CPEB2: variants seen among roughly 807,000 people sequenced by gnomAD.
The protein encoded by CPEB2 is cytoplasmic polyadenylation element binding protein 2, also known as cytoplasmic polyadenylation element-binding protein 2.
In CPEB2, 56 loss-of-function variants were observed where a neutral mutation model predicts 93.6. The ratio of observed to expected loss-of-function variants is 0.60; its 90% CI spans 0.48 to 0.75. CPEB2 has a LOEUF of 0.75. Among genes scored for constraint, CPEB2 ranks in the 30% least tolerant of loss-of-function variants. The pLI, the probability that CPEB2 is intolerant of heterozygous loss-of-function variation, is 0.00. For missense variants in CPEB2, 1,579 were observed against 1,395.1 expected, an observed-to-expected ratio of 1.13 and a Z score of -2.10; for synonymous variants, 764 against 586.3, an observed-to-expected ratio of 1.30 and a Z score of -4.38.
Position 15,003,110 on chromosome 4 carries a change from ACCC to A in CPEB2, c.439_441del (p.Pro147del). On this transcript the variant is annotated inframe_deletion, in exon 1 of 12. Coordinates refer to ENST00000538197, the MANE Select transcript of CPEB2 (RefSeq NM_001177382.2). The stretch of plus-strand genomic sequence containing the variant: ...CAGGACTTCAAACCGAGTCTGCACC[ACCC>A]CTCCTCCTCCTCCGCCTCCTCCTGC... 6.6e-7 allele frequency: 1 copy of A among 1,524,674 alleles called. No homozygotes were observed. The allele number at this position is 1,524,674 out of a possible 1,614,324, so 94.4% of individuals were successfully genotyped here. A position where few individuals can be genotyped will look rare whatever the true frequency, so the allele number is the denominator to read the frequency against.
chr4:15,061,333 A>T (rs1729171423), intron 10 of CPEB2, among the ~76,000 whole-genome samples: 1 of 152,136 alleles, frequency 6.6e-6, no homozygotes, highest in Non-Finnish European at 1.5e-5. Context: ...GTTTAGGATG[A>T]ACTATCAAGG....
intron 8 of CPEB2, 84 bp downstream of exon 8, chr4:15,054,301 G>C: frequency 2.2e-6 from 2 of 894,434 alleles, no homozygotes; most frequent in Non-Finnish European, 3.6e-6. Flanking sequence ...AGCCAGTTAG[G>C]AATCATAAGA....
At chr4:15,040,982 T>G (rs548811249) in intron 6 of CPEB2, among the ~76,000 whole-genome samples, 1 of 152,264 alleles carries the variant, frequency 6.6e-6, no homozygotes, top group East Asian at 1.9e-4. Flanking sequence ...TTTCTCTGTT[T>G]TCTAAGAATA....
In CPEB2 at chr4:15,002,851, G is replaced by C; in HGVS notation, c.178G>C (p.Glu60Gln). The stretch of plus-strand genomic sequence containing the variant: ...ACCGTTGCCTGTCACCGGCTTCTTA[G>C]AGGCCGCCTCCCCCTTCTCCGTCCC... ...PPPLPVTGFLEAASPFSVPLG... is the reference protein window; with the variant it reads ...PPPLPVTGFLQAASPFSVPLG... The change falls in exon 1 of 12, where the codon GAG (glutamate) becomes CAG (glutamine). Residue 60 changes from glutamate (E) to glutamine (Q), a missense_variant. Glu to Gln is a conservative substitution (Grantham distance 29, BLOSUM62 2). Transcript: ENST00000538197. 6.5e-7 allele frequency: 1 copy of C among 1,534,828 alleles called. No individual in the cohort carries two copies. Among genetic ancestry groups the C allele is most frequent in the Middle Eastern group, 1.7e-4 (1 of 5,772 alleles).
intron 6 of CPEB2, among the ~76,000 whole-genome samples, chr4:15,050,101 G>T (rs559838048): frequency 5.9e-5 from 9 of 152,174 alleles, no homozygotes; most frequent in African/African-American, 2.2e-4. Flanking sequence ...ACATAAAACC[G>T]ATACTGGTCC....
At chr4:15,052,987 A>G (rs1728371365) in intron 7 of CPEB2, among the ~76,000 whole-genome samples, 1 of 151,648 alleles carries the variant, frequency 6.6e-6, no homozygotes, top group African/African-American at 2.4e-5. Context: ...AATGCTTGGT[A>G]ATCAAAAGTT....
At position 15,033,198 on chromosome 4, in the gene CPEB2, G is replaced by T; in HGVS notation, c.2163G>T (p.Leu721=). ...LSYPHPGTDN[L]LMLNARSYGR... ...ATCCACATCCAGGAACTGACAATCT[G>T]TTGATGTTAAATGGTAAGTTTTATA... Residue 721 remains leucine, a synonymous_variant, in exon 5 of 12, where the codon CTG becomes CTT. Coordinates refer to ENST00000538197, the MANE Select transcript of CPEB2 (RefSeq NM_001177382.2). 6.3e-7 allele frequency: 1 copy of T among 1,594,096 alleles called. No homozygotes were observed. The highest frequency in any genetic ancestry group is 1.1e-5 in the South Asian group (1 of 90,204).
chr4:15,003,084 C>T lies in CPEB2; in HGVS notation c.411C>T (p.Ser137=). The change falls in exon 1 of 12, where the codon TCC becomes TCT. Residue 137 remains serine, a synonymous_variant. Transcript: ENST00000538197. Reference sequence around the variant, plus strand: ...CGGGTGTGACCCACCTCCTCCCCTCCCAGGACTTCAAACCGAGTCTGCACC... The same window carrying T: ...CGGGTGTGACCCACCTCCTCCCCTCTCAGGACTTCAAACCGAGTCTGCACC... ...TIAGVTHLLP[S]QDFKPSLHHP... 6.5e-7 allele frequency: 1 copy of T among 1,532,912 alleles called. No individual in the cohort carries two copies. The highest frequency in any genetic ancestry group is 8.7e-7 in the Non-Finnish European group (1 of 1,145,848). The allele number at this position is 1,532,912 out of a possible 1,614,324, so 95.0% of individuals were successfully genotyped here.
At chr4:15,038,522 T>A (rs943542029) in intron 5 of CPEB2, among the ~76,000 whole-genome samples, 32 of 152,136 alleles carry the variant, frequency 2.1e-4, no homozygotes, top group African/African-American at 7.5e-4. Flanking sequence ...TCCTGTGAAG[T>A]GTTTTGGGGA....
In CPEB2 at chr4:15,002,960, A is replaced by G. The variant is rs1722161905; in HGVS notation, c.287A>G (p.Glu96Gly). The G allele has an allele frequency of 6.6e-7, 1 of 1,511,916 alleles. No individual in the cohort carries two copies. Among genetic ancestry groups the G allele is most frequent in the Non-Finnish European group, 8.8e-7 (1 of 1,140,382 alleles). 93.7% of individuals were successfully genotyped at this position (1,511,916 alleles called of 1,614,324 possible). Residue 96 changes from glutamate to glycine, a missense_variant, in exon 1 of 12, where the codon GAG becomes GGG. Glu to Gly is a moderately conservative substitution (Grantham distance 98). Around this residue, in one of 2 missense-constraint regions of CPEB2, gnomAD observed 1,411 missense variants for 1,056.0 expected, o/e 1.34. Transcript: ENST00000538197. ...FLAHQQTMQD[E>G]LLLGLTQQPA... ...GCGCATCAGCAGACCATGCAGGATG[A>G]GCTGCTTCTGGGGCTGACACAGCAG...
At chr4:15,029,148 C>T (rs1560231878) in intron 4 of CPEB2, among the ~76,000 whole-genome samples, 1 of 152,084 alleles carries the variant, frequency 6.6e-6, no homozygotes, top group Non-Finnish European at 1.5e-5. Flanking sequence ...AGTGCCTAGA[C>T]ATCACATTTG....
chr4:15,040,222 G>A (rs1033241922), intron 5 of CPEB2, among the ~76,000 whole-genome samples: 1 of 152,098 alleles, frequency 6.6e-6, no homozygotes, highest in Non-Finnish European at 1.5e-5. Context: ...ATAATGAAAT[G>A]TGTGTTTCTT....
rs1224522396 is a variant in CPEB2, at chr4:15,002,896, A to G, written c.223A>G (p.Ser75Gly). 3 of 1,477,750 alleles carry G rather than the reference A, an allele frequency of 2.0e-6. No homozygotes were observed. The East Asian group carries it at 7.9e-5, about 39-fold the overall frequency. The allele number at this position is 1,477,750 out of a possible 1,614,324, so 91.5% of individuals were successfully genotyped here. A position where few individuals can be genotyped will look rare whatever the true frequency, so the allele number is the denominator to read the frequency against. Residue 75 changes from serine (S) to glycine (G), a missense_variant, in exon 1 of 12, where the codon AGC becomes GGC. Ser to Gly is a moderately conservative substitution (Grantham distance 56, BLOSUM62 0). Coordinates refer to ENST00000538197, the MANE Select transcript of CPEB2 (RefSeq NM_001177382.2). ...FSVPLGGGAG[S>G]PAAAASSSSP... ...CGTCCCCCTCGGCGGCGGCGCGGGC[A>G]GCCCGGCCGCCGCCGCTTCCTCTTC...
At chr4:15,007,916 C>T (rs1038805473) in intron 2 of CPEB2, among the ~76,000 whole-genome samples, 4 of 152,070 alleles carry the variant, frequency 2.6e-5, no homozygotes, top group Non-Finnish European at 4.4e-5. Flanking sequence ...ATTTGTTTCT[C>T]CTTTAATATA....
intron 6 of CPEB2, among the ~76,000 whole-genome samples, chr4:15,048,729 C>T (rs1335685084): frequency 3.3e-5 from 5 of 152,012 alleles, no homozygotes; most frequent in Non-Finnish European, 7.4e-5. Context: ...GCTTTTGCTG[C>T]ATTCCAGCAA....
chr4:15,029,008 C>T (rs1181389275), intron 4 of CPEB2, among the ~76,000 whole-genome samples: 1 of 151,922 alleles, frequency 6.6e-6, no homozygotes, highest in Non-Finnish European at 1.5e-5. Flanking sequence ...GGGCTAGTTC[C>T]AGGACCACCC....
In CPEB2 at chr4:15,016,517, TCTC is replaced by T. The variant is rs760933487; in HGVS notation, c.2035-666_2035-664del. 2.2e-4 allele frequency among the ~76,000 whole-genome samples: 33 copies of T among 152,050 alleles called. 1 individual carries two copies. In the East Asian group the frequency reaches 3.5e-3, roughly 16 times the overall value. ...TGAGATTACTGTGCTTTTACTCTTC[TCTC>T]CTCCACCTGCCTATTTTGCAGGGGA... On this transcript the variant is annotated intron_variant, in intron 3 of 11. Transcript: ENST00000538197.
In CPEB2 at chr4:15,052,298, T is replaced by G. The variant is rs145344995; in HGVS notation, c.2201-116T>G. 863 of 647,946 alleles carry G rather than the reference T, an allele frequency of 1.3e-3. 7 individuals are homozygous for G. In the African/African-American group the frequency reaches 0.014, roughly 10 times the overall value. The allele number at this position is 647,946 out of a possible 1,614,324, so 40.1% of individuals were successfully genotyped here. A position where few individuals can be genotyped will look rare whatever the true frequency, so the allele number is the denominator to read the frequency against. On this transcript the variant is annotated intron_variant, in intron 6 of 11. Transcript: ENST00000538197. ...CTATTTAAATTTCTCTTAATTTTTA[T>G]GTTCACCTGCATCACCTTCATTTTT...
In CPEB2 at chr4:15,003,496, C is replaced by T. The variant is rs759864545; in HGVS notation, c.823C>T (p.Arg275Cys). The change falls in exon 1 of 12, where the codon CGC (arginine) becomes TGC (cysteine). Residue 275 changes from arginine to cysteine, a missense_variant. Coordinates refer to ENST00000538197, the MANE Select transcript of CPEB2 (RefSeq NM_001177382.2). The stretch of plus-strand genomic sequence containing the variant: ...CTCGCCGCCTGCAGCCCCGCGGCGC[C>T]GCCACGGAGGCGCGGGCAGCCCTCG... ...PPSPPAAPRR[R>C]HGGAGSPRKT... 118 of 1,405,086 alleles carry T rather than the reference C, an allele frequency of 8.4e-5. No homozygotes were observed. The highest frequency in any genetic ancestry group is 3.8e-4 in the South Asian group (25 of 66,270). 87.0% of individuals were successfully genotyped at this position (1,405,086 alleles called of 1,614,324 possible).
Sources: allele counts gnomAD v4.1 joint callset (sites outside exome capture counted in the v4.1 genomes callset), GRCh38; gene constraint gnomAD v4.1.1; regional missense constraint gnomAD v4.1.1; transcripts MANE v1.5; gene names NCBI Gene and HGNC (gene_info 2026-07-23, HGNC 2026-07-21).